ANO1: variants seen among roughly 807,000 people sequenced by gnomAD.
ANO1 encodes the protein anoctamin 1.
In ANO1, 59 loss-of-function variants were observed where a neutral mutation model predicts 124.0. That is an observed-to-expected ratio of 0.48 (90% CI 0.39 to 0.59). The LOEUF (loss-of-function observed/expected upper bound fraction) is 0.59, where lower values mean the gene tolerates loss of function less well. ANO1 is among the 20% of genes least tolerant of loss of function. The pLI is 0.00. For missense variants in ANO1, 1,059 were observed against 1,328.0 expected (o/e 0.80, Z 3.15); for synonymous variants, 529 against 532.0 (o/e 0.99, Z 0.08).
intron 10 of ANO1, among the ~76,000 whole-genome samples, chr11:70,129,049 G>C (rs916910709): frequency 6.6e-6 from 1 of 152,216 alleles, no homozygotes; most frequent in Non-Finnish European, 1.5e-5. Context: ...CTCTGGAAGA[G>C]GGGCTCGCGT....
At chr11:70,133,115 C>T (rs2046826738) in intron 11 of ANO1, among the ~76,000 whole-genome samples, 1 of 152,194 alleles carries the variant, frequency 6.6e-6, no homozygotes, top group Admixed American at 6.5e-5. Flanking sequence ...AGCGCCACCT[C>T]ACCTGCAGCT....
chr11:70,132,144 TTCTG>T (rs1365819261), intron 11 of ANO1, 65 bp downstream of exon 11: 1 of 1,499,116 alleles, frequency 6.7e-7, no homozygotes, highest in Non-Finnish European at 8.9e-7. Context: ...CCTAGGCTGC[TTCTG>T]TCTGTCTTTG....
At chr11:70,042,346 A>G (rs1481218739) in intron 1 of ANO1, among the ~76,000 whole-genome samples, 7 of 152,218 alleles carry the variant, frequency 4.6e-5, no homozygotes, top group Non-Finnish European at 7.3e-5. Context: ...AGGCTGCAGC[A>G]CAGGGAGAGG....
At position 69,990,319 on chromosome 11, in the gene ANO1, A is replaced by G. The variant is rs1205082824; in HGVS notation, c.58+4153A>G. 3.3e-5 allele frequency among the ~76,000 whole-genome samples: 5 copies of G among 152,216 alleles called. No homozygotes were observed. In the East Asian group the frequency reaches 9.6e-4, roughly 29 times the overall value. ...TTAAGGCATCCGTGTTGTAGCATAT[A>G]TCAGTAATCATTAGTTTTATGGAGG... is the stretch of plus-strand genomic sequence containing the variant. On this transcript the variant is annotated intron_variant, in intron 1 of 27. Transcript: ENST00000531349.
intron 2 of ANO1, among the ~76,000 whole-genome samples, chr11:70,101,980 G>A (rs112928948): frequency 7.8e-4 from 119 of 152,324 alleles, no homozygotes; most frequent in African/African-American, 2.8e-3. Flanking sequence ...TCAGCACCCT[G>A]GGCAGCTGGG....
intron 6 of ANO1, among the ~76,000 whole-genome samples, chr11:70,110,422 G>A (rs187024944): frequency 1.2e-3 from 175 of 152,120 alleles, no homozygotes; most frequent in South Asian, 5.8e-3. Context: ...TCTTGACCTC[G>A]TGATCCACCT....
At chr11:70,144,777 G>A (rs1363526864) in intron 11 of ANO1, among the ~76,000 whole-genome samples, 1 of 152,242 alleles carries the variant, frequency 6.6e-6, no homozygotes, top group Non-Finnish European at 1.5e-5. Context: ...ACTCATGTGG[G>A]TGGGAAGCCC....
chr11:70,021,787 C>T (rs914453668), intron 1 of ANO1, among the ~76,000 whole-genome samples: 2 of 152,198 alleles, frequency 1.3e-5, no homozygotes, highest in Non-Finnish European at 2.9e-5. Context: ...TAAACTCATC[C>T]CTCTGTGTCC....
intron 25 of ANO1, among the ~76,000 whole-genome samples, chr11:70,186,395 GAAGA>G (rs1161253873): frequency 6.2e-5 from 9 of 145,982 alleles, no homozygotes; most frequent in South Asian, 2.2e-4. Flanking sequence ...AGGAAGGAAG[GAAGA>G]AAGACATGGA....
intron 1 of ANO1, among the ~76,000 whole-genome samples, chr11:70,047,297 A>G (rs1555005782): frequency 6.6e-6 from 1 of 152,162 alleles, no homozygotes; most frequent in African/African-American, 2.4e-5. Flanking sequence ...GGTATGAAGA[A>G]GCTCTCTACT....
intron 1 of ANO1, among the ~76,000 whole-genome samples, chr11:70,021,685 G>A (rs1555002645): frequency 6.6e-6 from 1 of 152,108 alleles, no homozygotes; most frequent in African/African-American, 2.4e-5. Context: ...TTCCAGCGGT[G>A]ACATTTGTTA....
intron 1 of ANO1, among the ~76,000 whole-genome samples, chr11:70,006,747 G>C (rs1215111643): frequency 8.1e-6 from 1 of 123,680 alleles, no homozygotes; most frequent in Non-Finnish European, 1.6e-5. Flanking sequence ...TTGGCTCACT[G>C]CAACCTTCAC....
chr11:70,093,235 C>G (rs1386503372), intron 2 of ANO1, among the ~76,000 whole-genome samples: 2 of 149,098 alleles, frequency 1.3e-5, no homozygotes, highest in African/African-American at 2.5e-5. Context: ...CCACCTCCCT[C>G]TTTTTCACTC....
chr11:70,009,725 C>T (rs543136355), intron 1 of ANO1, among the ~76,000 whole-genome samples: 2 of 152,134 alleles, frequency 1.3e-5, no homozygotes, highest in East Asian at 3.9e-4. Flanking sequence ...TGAGCCTGTG[C>T]AGATAAATAT....
chr11:70,107,423 G>A (rs2045590914), intron 5 of ANO1, among the ~76,000 whole-genome samples: 1 of 151,064 alleles, frequency 6.6e-6, no homozygotes, highest in Non-Finnish European at 1.5e-5. Flanking sequence ...GGCTGCAGGA[G>A]TGAGTTTGGA....
chr11:70,180,800 A>G (rs1193036735), intron 23 of ANO1, among the ~76,000 whole-genome samples: 1 of 152,192 alleles, frequency 6.6e-6, no homozygotes, highest in East Asian at 1.9e-4. Context: ...TTTTCTCCTT[A>G]ATCTGAAACG....
intron 7 of ANO1, 87 bp from the exon 8 acceptor site, chr11:70,116,371 G>A (rs2045974872): frequency 1.5e-6 from 2 of 1,295,962 alleles, no homozygotes; most frequent in Non-Finnish European, 2.2e-6. Flanking sequence ...AGAGCTGCTG[G>A]GGTTTATGTT....
At chr11:70,012,764 C>T (rs1856623592) in intron 1 of ANO1, among the ~76,000 whole-genome samples, 1 of 152,164 alleles carries the variant, frequency 6.6e-6, no homozygotes, top group African/African-American at 2.4e-5. Flanking sequence ...TTCGTCCACA[C>T]ATTCATCCAT....
intron 23 of ANO1, 27 bp downstream of exon 23, chr11:70,180,083 A>G (rs1367866543): frequency 1.2e-6 from 2 of 1,603,992 alleles, no homozygotes; most frequent in Non-Finnish European, 8.5e-7. Context: ...ACCTTGGCAG[A>G]ATGGAAGTCC....
Sources: allele counts gnomAD v4.1 joint callset (sites outside exome capture counted in the v4.1 genomes callset), GRCh38; gene constraint gnomAD v4.1.1; transcripts MANE v1.5; gene names NCBI Gene and HGNC (gene_info 2026-07-23, HGNC 2026-07-21).